SYT10: variants seen among roughly 807,000 people sequenced by gnomAD.
The protein encoded by SYT10 is synaptotagmin-10.
Under a neutral mutation model 51.1 loss-of-function variants are expected in SYT10, and 31 were observed. The ratio of observed to expected loss-of-function variants is 0.61; its 90% CI spans 0.46 to 0.82. The LOEUF (loss-of-function observed/expected upper bound fraction) is 0.82, where lower values mean the gene tolerates loss of function less well. SYT10 is among the 40% of genes least tolerant of loss of function. The pLI is 0.00. For missense variants in SYT10, 603 were observed against 634.0 expected (o/e 0.95, Z 0.53); for synonymous variants, 233 against 225.9 (o/e 1.03, Z -0.28).
chr12:33,421,563 T>C (rs1866505342), intron 2 of SYT10, among the ~76,000 whole-genome samples: 1 of 152,072 alleles, frequency 6.6e-6, no homozygotes, highest in Admixed American at 6.6e-5. Context: ...TTAAAGATGA[T>C]GTATTTAAAA....
chr12:33,412,281 G>A (rs1866413506), intron 2 of SYT10, among the ~76,000 whole-genome samples: 1 of 152,068 alleles, frequency 6.6e-6, no homozygotes, highest in Non-Finnish European at 1.5e-5. Flanking sequence ...TAGTAAGTCA[G>A]TGTCCTAATA....
In SYT10 at chr12:33,379,935, A is replaced by G. The variant is rs1489635708; in HGVS notation, c.1397T>C (p.Val466Ala). Residue 466 changes from valine (V) to alanine (A), a missense_variant, in exon 6 of 7, where the codon GTG (valine) becomes GCG (alanine). Transcript: ENST00000228567. Reference sequence around the variant, plus strand: ...CTCAGCATCCAGTCCTGTTCTGCACACTCCTATGACCTCATTGTGTCCTAC... The same window carrying G: ...CTCAGCATCCAGTCCTGTTCTGCACGCTCCTATGACCTCATTGTGTCCTAC... ...DRVGHNEVIG[V>A]CRTGLDAEGL... The G allele has an allele frequency of 1.2e-6, 2 of 1,613,464 alleles. No homozygotes were observed. Among genetic ancestry groups the G allele is most frequent in the Admixed American group, 1.7e-5 (1 of 59,966 alleles).
At position 33,417,921 on chromosome 12, in the gene SYT10, T is replaced by C. The variant is rs187539310; in HGVS notation, c.509+8217A>G. On this transcript the variant is annotated intron_variant, in intron 2 of 6. Transcript: ENST00000228567. ...AGAATCAATGGATTGGAGGTTTTGG[T>C]GAGTTGGAAGGGTTGTCTGAGTTGG... is the stretch of plus-strand genomic sequence containing the variant. 3.9e-3 allele frequency among the ~76,000 whole-genome samples: 592 copies of C among 152,264 alleles called. 2 individuals are homozygous for C. The highest frequency in any genetic ancestry group is 0.014 in the African/African-American group (562 of 41,570).
chr12:33,387,521 A>C (rs1239928151), intron 3 of SYT10, among the ~76,000 whole-genome samples: 2 of 152,204 alleles, frequency 1.3e-5, no homozygotes, highest in Non-Finnish European at 2.9e-5. Context: ...TTCAGTAAGT[A>C]CTGGATAAAT....
At position 33,416,378 on chromosome 12, in the gene SYT10, C is replaced by T. The variant is rs138415321; in HGVS notation, c.510-9022G>A. 2.2e-4 allele frequency among the ~76,000 whole-genome samples: 33 copies of T among 152,216 alleles called. No individual in the cohort carries two copies. The East Asian group carries it at 4.6e-3, about 21-fold the overall frequency. On this transcript the variant is annotated intron_variant, in intron 2 of 6. Coordinates refer to ENST00000228567, the MANE Select transcript of SYT10 (RefSeq NM_198992.4). The stretch of plus-strand genomic sequence containing the variant: ...GATTACAAGTGTGAGCCACCACGCC[C>T]GGCCCACACCATTCTCTTTTAAGCT...
Position 33,382,537 on chromosome 12 carries a change from A to G in SYT10, c.1199-17T>C, listed in dbSNP as rs1262862569. On this transcript the variant is annotated splice_polypyrimidine_tract_variant and intron_variant, in intron 4 of 6. Coordinates refer to ENST00000228567, the MANE Select transcript of SYT10 (RefSeq NM_198992.4). ...CATAAGGATCTAGGAATAAGAAGATAACTTTATTAAAATAAAAGTAATAGT... is the reference window on the plus strand; with the variant it reads ...CATAAGGATCTAGGAATAAGAAGATGACTTTATTAAAATAAAAGTAATAGT... 3 of 1,564,792 alleles carry G rather than the reference A, an allele frequency of 1.9e-6. No individual in the cohort carries two copies. The highest frequency in any genetic ancestry group is 2.6e-6 in the Non-Finnish European group (3 of 1,162,542).
chr12:33,386,527 A>G (rs545350732), intron 3 of SYT10, among the ~76,000 whole-genome samples: 8 of 151,842 alleles, frequency 5.3e-5, no homozygotes, highest in African/African-American at 2.4e-5. Flanking sequence ...TTTCTCTTAA[A>G]TCTTTATATG....
In SYT10 at chr12:33,439,394, G is replaced by A. The variant is rs780836067; in HGVS notation, c.129C>T (p.Gly43=). The change falls in exon 1 of 7, where the codon GGC becomes GGT. Residue 43 remains glycine, a synonymous_variant. Coordinates refer to ENST00000228567, the MANE Select transcript of SYT10 (RefSeq NM_198992.4). ...TACCTGTGCTGCTTCCGCCCTGGCTGCCCCTGTCCCGAGGGAAGATGCCCG... is the reference window on the plus strand; with the variant it reads ...TACCTGTGCTGCTTCCGCCCTGGCTACCCCTGTCCCGAGGGAAGATGCCCG... ...KCSGIFPRDR[G]SQGGSSTDIS... 2 of 1,613,936 alleles carry A rather than the reference G, an allele frequency of 1.2e-6. No individual in the cohort carries two copies. Among genetic ancestry groups the A allele is most frequent in the Non-Finnish European group, 1.7e-6 (2 of 1,179,974 alleles).
chr12:33,386,780 C>T (rs528717262), intron 3 of SYT10, among the ~76,000 whole-genome samples: 40 of 152,296 alleles, frequency 2.6e-4, no homozygotes, highest in South Asian at 8.3e-4. Context: ...CTTTCTACAA[C>T]GTACTGAAGT....
chr12:33,390,995 G>T (rs1402071851), intron 3 of SYT10, among the ~76,000 whole-genome samples: 4 of 152,114 alleles, frequency 2.6e-5, no homozygotes, highest in Non-Finnish European at 5.9e-5. Context: ...CTGGAGTGCG[G>T]GCAAGATCTC....
intron 1 of SYT10, among the ~76,000 whole-genome samples, chr12:33,433,846 C>T (rs1325530162): frequency 1.3e-5 from 2 of 152,094 alleles, no homozygotes; most frequent in Non-Finnish European, 2.9e-5. Context: ...GCGCCAAGGA[C>T]GCCCCCAGAA....
At chr12:33,423,109 AGAT>A (rs1866520116) in intron 2 of SYT10, among the ~76,000 whole-genome samples, 2 of 152,136 alleles carry the variant, frequency 1.3e-5, no homozygotes, top group South Asian at 4.1e-4. Flanking sequence ...TTGAAAAAGG[AGAT>A]GATAACTTGA....
At chr12:33,377,034 C>T (rs1866068946) in intron 6 of SYT10, 133 bp from the exon 7 acceptor site, 5 of 916,048 alleles carry the variant, frequency 5.5e-6, no homozygotes, top group Non-Finnish European at 8.4e-6. Flanking sequence ...ACATAACTCC[C>T]TTTGCCCTTC....
intron 3 of SYT10, among the ~76,000 whole-genome samples, chr12:33,395,088 A>AAAAC (rs573961725): frequency 9.8e-5 from 15 of 152,372 alleles, no homozygotes; most frequent in African/African-American, 2.9e-4. Flanking sequence ...ACTCCGTCTC[A>AAAAC]AAACAAACAA....
chr12:33,419,292 C>T (rs1233638248), intron 2 of SYT10, among the ~76,000 whole-genome samples: 1 of 152,060 alleles, frequency 6.6e-6, no homozygotes, highest in African/African-American at 2.4e-5. Flanking sequence ...GGACTTTTGA[C>T]AGTTTTGTGC....
intron 2 of SYT10, among the ~76,000 whole-genome samples, chr12:33,421,943 A>AC (rs1461176486): frequency 6.6e-6 from 1 of 152,132 alleles, no homozygotes; most frequent in Non-Finnish European, 1.5e-5. Flanking sequence ...TGGTAAAAAG[A>AC]CCAAGTGCCC....
At chr12:33,437,558 C>T (rs1270462919) in intron 1 of SYT10, among the ~76,000 whole-genome samples, 1 of 152,096 alleles carries the variant, frequency 6.6e-6, no homozygotes, top group Non-Finnish European at 1.5e-5. Context: ...GTCTGAGACC[C>T]GGGAAACCAC....
chr12:33,414,206 G>A (rs1463761610), intron 2 of SYT10, among the ~76,000 whole-genome samples: 1 of 152,156 alleles, frequency 6.6e-6, no homozygotes, highest in Non-Finnish European at 1.5e-5. Context: ...AACATACAAA[G>A]AGACTTAGAC....
Position 33,422,616 on chromosome 12 carries a change from A to G in SYT10, c.509+3522T>C, listed in dbSNP as rs11052691. ...TCACTTTACTCTATTTTTTGATCAC[A>G]GTACCTTATCTGCTGTTTTCTTAGC... is the stretch of plus-strand genomic sequence containing the variant. On this transcript the variant is annotated intron_variant, in intron 2 of 6. Coordinates refer to ENST00000228567, the MANE Select transcript of SYT10 (RefSeq NM_198992.4). 0.059 allele frequency among the ~76,000 whole-genome samples: 8,923 copies of G among 151,822 alleles called. 1,441 individuals carry two copies. The East Asian group carries it at 0.64, about 11-fold the overall frequency.
Sources: gnomAD v4.1 joint callset for allele counts (sites outside exome capture counted in the v4.1 genomes callset) on GRCh38, gnomAD v4.1.1 for gene constraint, MANE v1.5 for transcripts, NCBI Gene and HGNC (gene_info 2026-07-23, HGNC 2026-07-21) for gene names.